CCDC88A: variants seen among roughly 807,000 people sequenced by gnomAD.
CCDC88A encodes coiled-coil and HOOK domain protein 88A, also known as girdin.
In CCDC88A, 54 loss-of-function variants were observed where a neutral mutation model predicts 234.3. The ratio of observed to expected loss-of-function variants is 0.23; its 90% CI spans 0.19 to 0.29. CCDC88A has a LOEUF of 0.29. Ranked by LOEUF, CCDC88A falls within the 10% of genes least tolerant of loss-of-function variation. The pLI is 1.00. For synonymous variants in CCDC88A, 753 were observed against 737.8 expected (o/e 1.02, Z -0.33); for missense variants, 1,832 against 2,123.4 (o/e 0.86, Z 2.70).
intron 31 of CCDC88A, chr2:55,294,809 G>C (rs1679827597): frequency 9.9e-7 from 1 of 1,011,200 alleles, no homozygotes. Context: ...ATGTGAAGGA[G>C]GAGCATGTAT....
intron 3 of CCDC88A, among the ~76,000 whole-genome samples, chr2:55,376,417 A>G (rs1673663761): frequency 6.6e-6 from 1 of 152,210 alleles, no homozygotes; most frequent in Non-Finnish European, 1.5e-5. Flanking sequence ...AAAAATAACT[A>G]TAAAAAGTTA....
chr2:55,349,550 T>C lies in CCDC88A; in HGVS notation c.850A>G (p.Met284Val), dbSNP rs745799591. ...LLDCKQELEQ[M>V]EIELKRLQQE... ...TGCAGCCTTTTGAGTTCTATTTCCA[T>C]TTGCTCAAGTTCTTGTTTACAATCC... The change falls in exon 9 of 33, where the codon ATG becomes GTG. Residue 284 changes from methionine (M) to valine (V), a missense_variant. By Grantham distance (21) the Met-to-Val change is conservative (BLOSUM62 1). Around this residue, in one of 6 missense-constraint regions of CCDC88A, gnomAD observed 1,282 missense variants for 1,543.6 expected, o/e 0.83. Transcript: ENST00000436346. 7 of 1,613,084 alleles carry C rather than the reference T, an allele frequency of 4.3e-6. No individual in the cohort carries two copies. Among genetic ancestry groups the C allele is most frequent in the Middle Eastern group, 1.6e-4 (1 of 6,076 alleles).
Position 55,407,962 on chromosome 2 carries a change from C to T in CCDC88A, c.164+10854G>A, listed in dbSNP as rs1002559392. 8.6e-5 allele frequency among the ~76,000 whole-genome samples: 13 copies of T among 151,972 alleles called. 1 individual carries two copies. Among genetic ancestry groups the T allele is most frequent in the African/African-American group, 3.1e-4 (13 of 41,398 alleles). ...CGAACTTCTGACCTCAAGTGATCCA[C>T]CTGCCTCGGCCTCCCAAAGTGCTGG... On this transcript the variant is annotated intron_variant, in intron 2 of 32. Coordinates refer to ENST00000436346, the MANE Select transcript of CCDC88A (RefSeq NM_001365480.1).
chr2:55,412,461 C>T (rs973996135), intron 2 of CCDC88A, among the ~76,000 whole-genome samples: 38 of 152,344 alleles, frequency 2.5e-4, no homozygotes, highest in African/African-American at 9.1e-4. Flanking sequence ...GCATTACTGC[C>T]TGAGCTCTGC....
At chr2:55,373,929 T>C (rs936358435) in intron 4 of CCDC88A, among the ~76,000 whole-genome samples, 1 of 152,186 alleles carries the variant, frequency 6.6e-6, no homozygotes, top group Non-Finnish European at 1.5e-5. Flanking sequence ...AACTGTTAGG[T>C]AGCTGCTAAT....
At chr2:55,409,738 C>CT (rs61703330) in intron 2 of CCDC88A, among the ~76,000 whole-genome samples, 3,552 of 111,090 alleles carry the variant, frequency 0.032, 132 homozygotes, top group Non-Finnish European at 0.04. Context: ...ATATACCTCC[C>CT]TTTTTTTTTT....
In CCDC88A at chr2:55,419,357, G is replaced by T; in HGVS notation, c.-278C>A. ...AGGAGGGGCAGAGAAAAGGCATCTG[G>T]AGGAGGAGGAAGGGAAAGGGGGCTG... On this transcript the variant is annotated 5_prime_UTR_variant, in exon 1 of 33. Coordinates refer to ENST00000436346, the MANE Select transcript of CCDC88A (RefSeq NM_001365480.1). 2 of 415,012 alleles carry T rather than the reference G, an allele frequency of 4.8e-6. No homozygotes were observed. The highest frequency in any genetic ancestry group is 2.7e-5 in the South Asian group (1 of 36,644). 25.7% of individuals were successfully genotyped at this position (415,012 alleles called of 1,614,324 possible). A position where few individuals can be genotyped will look rare whatever the true frequency, so the allele number is the denominator to read the frequency against.
At chr2:55,390,220 A>C (rs1456623513) in intron 2 of CCDC88A, among the ~76,000 whole-genome samples, 1 of 152,136 alleles carries the variant, frequency 6.6e-6, no homozygotes, top group Non-Finnish European at 1.5e-5. Flanking sequence ...ACTTTTAAAA[A>C]ACAGATTCTT....
chr2:55,370,775 A>G (rs1672726152), intron 5 of CCDC88A, among the ~76,000 whole-genome samples: 1 of 150,606 alleles, frequency 6.6e-6, no homozygotes, highest in Non-Finnish European at 1.5e-5. Context: ...TGGGAGGCCG[A>G]GGCAGGAAGA....
At chr2:55,296,605 G>T in intron 29 of CCDC88A, 82 bp from the exon 30 acceptor site, 2 of 1,365,222 alleles carry the variant, frequency 1.5e-6, no homozygotes, top group Non-Finnish European at 2.0e-6. Flanking sequence ...TGTTGACTGT[G>T]TGCTAATTAT....
At chr2:55,348,467 G>T (rs13411257) in intron 9 of CCDC88A, 9,164 of 151,482 alleles carry the variant, frequency 0.06, 874 homozygotes, top group African/African-American at 0.2. Context: ...TAGAGACAGG[G>T]TTTCACTACG....
chr2:55,304,797 T>C (rs1681339733), intron 25 of CCDC88A, among the ~76,000 whole-genome samples: 1 of 152,206 alleles, frequency 6.6e-6, no homozygotes, highest in African/African-American at 2.4e-5. Context: ...ATTGTATCTT[T>C]TTAGAAATGT....
intron 9 of CCDC88A, among the ~76,000 whole-genome samples, chr2:55,347,395 G>A (rs1171472459): frequency 1.3e-5 from 2 of 151,990 alleles, no homozygotes; most frequent in Admixed American, 1.3e-4. Context: ...TCTCATGAGG[G>A]CAGAGTAAAG....
intron 5 of CCDC88A, among the ~76,000 whole-genome samples, chr2:55,371,686 T>C (rs1672868533): frequency 6.6e-6 from 1 of 152,160 alleles, no homozygotes; most frequent in Non-Finnish European, 1.5e-5. Flanking sequence ...GGGGTTTCAT[T>C]ATGTGCCCAA....
At chr2:55,348,898 TG>T (rs1669524394) in intron 9 of CCDC88A, 1 of 152,212 alleles carries the variant, frequency 6.6e-6, no homozygotes, top group Non-Finnish European at 1.5e-5. Context: ...AAGTCAGGTA[TG>T]GGGAAGTTAA....
chr2:55,419,616 G>T lies in CCDC88A; in HGVS notation c.-537C>A. 1 of 154,342 alleles carries T rather than the reference G, an allele frequency of 6.5e-6. No individual in the cohort carries two copies. Among genetic ancestry groups the T allele is most frequent in the Non-Finnish European group, 1.4e-5 (1 of 69,500 alleles). 9.6% of individuals were successfully genotyped at this position (154,342 alleles called of 1,614,324 possible). On this transcript the variant is annotated 5_prime_UTR_variant, in exon 1 of 33. In the 5' UTR this introduces an upstream ATG that the reference lacks. Transcript: ENST00000436346. ...ACCCGCGGAGCCTCCACTGCCCGCA[G>T]CCCCTCAGTACCAACAGGCAGGGCT...
At chr2:55,413,892 C>A (rs1318928702) in intron 2 of CCDC88A, among the ~76,000 whole-genome samples, 2 of 151,676 alleles carry the variant, frequency 1.3e-5, no homozygotes, top group African/African-American at 4.9e-5. Context: ...GTGAAGGCTG[C>A]AGTGAGCGGT....
intron 5 of CCDC88A, among the ~76,000 whole-genome samples, chr2:55,364,873 T>C (rs912914508): frequency 2.0e-5 from 3 of 152,112 alleles, no homozygotes; most frequent in Non-Finnish European, 4.4e-5. Flanking sequence ...AGCTAACAAA[T>C]GCAAAGTGCC....
intron 17 of CCDC88A, among the ~76,000 whole-genome samples, chr2:55,327,287 T>C (rs1437884504): frequency 1.3e-5 from 2 of 152,196 alleles, no homozygotes; most frequent in Non-Finnish European, 2.9e-5. Context: ...TTAGGAGAAC[T>C]TTAAAGACCA....
Sources: gnomAD v4.1 joint callset for allele counts (sites outside exome capture counted in the v4.1 genomes callset) on GRCh38, gnomAD v4.1.1 for gene constraint, gnomAD v4.1.1 regional missense constraint, MANE v1.5 for transcripts, NCBI Gene and HGNC (gene_info 2026-07-23, HGNC 2026-07-21) for gene names.